JAM2: variants seen among roughly 807,000 people sequenced by gnomAD.
The protein encoded by JAM2 is junctional adhesion molecule 2.
In JAM2, 17 loss-of-function variants were observed where a neutral mutation model predicts 42.0. The observed-to-expected ratio is 0.40, with a 90% CI of 0.28 to 0.61. The LOEUF (loss-of-function observed/expected upper bound fraction) is 0.61, where lower values mean the gene tolerates loss of function less well. Ranked by LOEUF, JAM2 falls within the 20% of genes least tolerant of loss-of-function variation. JAM2 has a pLI of 0.37. For missense variants in JAM2, 319 were observed against 358.3 expected (o/e 0.89, Z 0.89); for synonymous variants, 118 against 128.6 (o/e 0.92, Z 0.56).
chr21:25,699,513 G>C (rs956348674), intron 5 of JAM2, among the ~76,000 whole-genome samples: 2 of 151,942 alleles, frequency 1.3e-5, no homozygotes, highest in Non-Finnish European at 2.9e-5. Flanking sequence ...ACGAGGTCAG[G>C]AGATCAAGAC....
chr21:25,644,446 C>T (rs920117600), intron 1 of JAM2, among the ~76,000 whole-genome samples: 4 of 152,046 alleles, frequency 2.6e-5, no homozygotes, highest in African/African-American at 9.7e-5. Flanking sequence ...ACGGCCCTGT[C>T]CTGCCAGGCT....
chr21:25,660,720 A>C, intron 1 of JAM2, among the ~76,000 whole-genome samples: 1 of 140,880 alleles, frequency 7.1e-6, no homozygotes, highest in Non-Finnish European at 1.5e-5. Context: ...TTATCATATA[A>C]CTAAATATAC....
chr21:25,709,341 TA>T, intron 7 of JAM2, 92 bp from the exon 8 acceptor site: 2 of 708,840 alleles, frequency 2.8e-6, no homozygotes, highest in Non-Finnish European at 2.3e-6. Context: ...TTAAAATTAA[TA>T]AAAATAAATT....
At chr21:25,645,649 A>G (rs1392588063) in intron 1 of JAM2, among the ~76,000 whole-genome samples, 4 of 152,174 alleles carry the variant, frequency 2.6e-5, no homozygotes, top group African/African-American at 9.7e-5. Context: ...TGCTTTTTAC[A>G]GTTGTCACCT....
At chr21:25,713,193 G>T (rs1601072617) in intron 9 of JAM2, among the ~76,000 whole-genome samples, 1 of 152,170 alleles carries the variant, frequency 6.6e-6, no homozygotes, top group African/African-American at 2.4e-5. Context: ...AATTTTGGGT[G>T]ACACAAACAT....
chr21:25,711,792 CAT>C (rs1222594484), intron 8 of JAM2, among the ~76,000 whole-genome samples: 1 of 152,140 alleles, frequency 6.6e-6, no homozygotes, highest in Non-Finnish European at 1.5e-5. Flanking sequence ...GGAAGGGTGA[CAT>C]AGCTGCAGTG....
intron 1 of JAM2, among the ~76,000 whole-genome samples, chr21:25,681,818 T>C (rs1036677846): frequency 1.3e-5 from 2 of 151,954 alleles, no homozygotes; most frequent in African/African-American, 4.8e-5. Flanking sequence ...CTGTCTGTAC[T>C]AAAAATACAA....
intron 1 of JAM2, among the ~76,000 whole-genome samples, chr21:25,645,720 G>A (rs746573242): frequency 6.6e-6 from 1 of 152,186 alleles, no homozygotes; most frequent in African/African-American, 2.4e-5. Context: ...TGTGATCATA[G>A]AGTGTACTTA....
chr21:25,640,973 A>G (rs2032422348), intron 1 of JAM2, among the ~76,000 whole-genome samples: 1 of 152,218 alleles, frequency 6.6e-6, no homozygotes, highest in Non-Finnish European at 1.5e-5. Flanking sequence ...TCGCTGCCCA[A>G]GTGATCATCG....
intron 6 of JAM2, among the ~76,000 whole-genome samples, chr21:25,704,772 G>C (rs2034237660): frequency 6.6e-6 from 1 of 152,208 alleles, no homozygotes; most frequent in Admixed American, 6.5e-5. Context: ...CATGCTCAGA[G>C]AATGTTAATA....
At chr21:25,671,823 T>G (rs762201635) in intron 1 of JAM2, among the ~76,000 whole-genome samples, 1 of 152,196 alleles carries the variant, frequency 6.6e-6, no homozygotes, top group Non-Finnish European at 1.5e-5. Context: ...AGGATTCTCT[T>G]TGTTTGAGAA....
At chr21:25,694,982 T>C (rs541875561) in intron 4 of JAM2, among the ~76,000 whole-genome samples, 35 of 147,624 alleles carry the variant, frequency 2.4e-4, no homozygotes, top group East Asian at 2.1e-3. Flanking sequence ...TTCTTTCTTT[T>C]TTTTTTTTTT....
intron 1 of JAM2, among the ~76,000 whole-genome samples, chr21:25,683,432 G>A (rs2033681929): frequency 6.6e-6 from 1 of 152,032 alleles, no homozygotes; most frequent in Admixed American, 6.6e-5. Flanking sequence ...TTCATCAAAA[G>A]TATGTAAAAT....
Position 25,714,655 on chromosome 21 carries a change from A to G in JAM2, c.880A>G (p.Lys294Glu). The G allele has an allele frequency of 6.6e-7, 1 of 1,512,872 alleles. No homozygotes were observed. Among genetic ancestry groups the G allele is most frequent in the South Asian group, 1.3e-5 (1 of 79,700 alleles). 93.7% of individuals were successfully genotyped at this position (1,512,872 alleles called of 1,614,324 possible). A position where few individuals can be genotyped will look rare whatever the true frequency, so the allele number is the denominator to read the frequency against. ...CTTTTCCTAGGATTTCAAGCACACAAAATCCTTTATAATTTAAAGACTCCA... is the reference window on the plus strand; with the variant it reads ...CTTTTCCTAGGATTTCAAGCACACAGAATCCTTTATAATTTAAAGACTCCA... ...TMSENDFKHT[K>E]SFII The change falls in exon 10 of 10, where the codon AAA becomes GAA. Residue 294 changes from lysine (K) to glutamate (E), a missense_variant. Lys to Glu is a moderately conservative substitution (Grantham distance 56). Transcript: ENST00000480456.
intron 7 of JAM2, among the ~76,000 whole-genome samples, chr21:25,707,293 C>T (rs1213467350): frequency 6.6e-6 from 1 of 151,796 alleles, no homozygotes; most frequent in Non-Finnish European, 1.5e-5. Context: ...ACCAGCCTGG[C>T]CAACATGGTG....
intron 2 of JAM2, among the ~76,000 whole-genome samples, chr21:25,686,768 T>G (rs1008080151): frequency 3.3e-5 from 5 of 152,264 alleles, no homozygotes; most frequent in African/African-American, 1.2e-4. Flanking sequence ...ATGATTTTGA[T>G]GATTTTTAAC....
rs2033448773 is a variant in JAM2 at position 25,675,000 on chromosome 21, A to G, written c.68-8883A>G. Among the ~76,000 whole-genome samples the G allele has an allele frequency of 3.3e-5, 5 of 151,986 alleles. 1 individual carries two copies. The South Asian group carries it at 1.0e-3, about 32-fold the overall frequency. Reference sequence around the variant, plus strand: ...TGCTATAAATAAATAAATACCTGAAACTGTGTAATTTATAAAGACAAGAGG... The same window carrying G: ...TGCTATAAATAAATAAATACCTGAAGCTGTGTAATTTATAAAGACAAGAGG... On this transcript the variant is annotated intron_variant, in intron 1 of 9. Coordinates refer to ENST00000480456, the MANE Select transcript of JAM2 (RefSeq NM_021219.4).
chr21:25,696,281 G>A (rs899153524), intron 4 of JAM2, among the ~76,000 whole-genome samples: 1 of 152,134 alleles, frequency 6.6e-6, no homozygotes, highest in Admixed American at 6.5e-5. Context: ...CCAGGCGCTC[G>A]GCAGGCTGAG....
intron 1 of JAM2, among the ~76,000 whole-genome samples, chr21:25,647,109 A>G (rs948926490): frequency 6.6e-6 from 1 of 152,196 alleles, no homozygotes; most frequent in African/African-American, 2.4e-5. Flanking sequence ...CTTTCTTCAC[A>G]TTGTGAAACT....
Sources: gnomAD v4.1 joint callset for allele counts (sites outside exome capture counted in the v4.1 genomes callset) on GRCh38, gnomAD v4.1.1 for gene constraint, MANE v1.5 for transcripts, NCBI Gene and HGNC (gene_info 2026-07-23, HGNC 2026-07-21) for gene names.